Variants in MCPH1 observed in about 807,000 individuals in gnomAD.
MCPH1 encodes microcephalin.
In MCPH1, 104 loss-of-function variants were observed where a neutral mutation model predicts 84.5. The observed-to-expected ratio is 1.23, with a 90% CI of 1.05 to 1.45. The LOEUF is 1.45. Among genes scored for constraint, MCPH1 ranks in the 40% most tolerant of loss-of-function variants. The probability of loss-of-function intolerance (pLI) is 0.00; values close to 1 mark genes in which losing one functional copy is unlikely to be tolerated. For missense variants in MCPH1, 1,498 were observed against 1,005.7 expected (o/e 1.49, Z -6.62); for synonymous variants, 514 against 366.8 (o/e 1.40, Z -4.58).
chr8:6,428,599 A>T (rs773189658), intron 3 of MCPH1, among the ~76,000 whole-genome samples: 3 of 152,250 alleles, frequency 2.0e-5, no homozygotes, highest in Admixed American at 6.5e-5. Context: ...CATTTCCAAT[A>T]AGCGGAATCA....
intron 12 of MCPH1, among the ~76,000 whole-genome samples, chr8:6,596,251 C>T (rs1239632683): frequency 6.6e-6 from 1 of 152,140 alleles, no homozygotes; most frequent in African/African-American, 2.4e-5. Flanking sequence ...GTCACTTCAT[C>T]CCTTTGGGTT....
chr8:6,560,974 T>G (rs1480928278), intron 12 of MCPH1, among the ~76,000 whole-genome samples: 2 of 152,242 alleles, frequency 1.3e-5, no homozygotes. Context: ...TTTACTGCAG[T>G]GCATCTTTCA....
intron 3 of MCPH1, among the ~76,000 whole-genome samples, chr8:6,418,822 T>C (rs1392936570): frequency 2.0e-5 from 3 of 152,094 alleles, no homozygotes; most frequent in Non-Finnish European, 4.4e-5. Flanking sequence ...CCTCGTGATC[T>C]GCCTGCCTCA....
chr8:6,602,314 T>C (rs1437858848), intron 12 of MCPH1, among the ~76,000 whole-genome samples: 1 of 152,174 alleles, frequency 6.6e-6, no homozygotes, highest in Non-Finnish European at 1.5e-5. Context: ...CGTCCTTGCA[T>C]TCTGTGCGGA....
chr8:6,624,189 C>T (rs901022546), intron 13 of MCPH1, among the ~76,000 whole-genome samples: 6 of 152,244 alleles, frequency 3.9e-5, no homozygotes, highest in African/African-American at 1.2e-4. Context: ...GCTTCGATCC[C>T]GCAAAGCCCT....
chr8:6,534,332 G>A (rs993257597), intron 12 of MCPH1, among the ~76,000 whole-genome samples: 15 of 152,102 alleles, frequency 9.9e-5, no homozygotes, highest in African/African-American at 3.4e-4. Context: ...TAGAGTATAC[G>A]AGAGGATGTG....
intron 12 of MCPH1, among the ~76,000 whole-genome samples, chr8:6,515,567 G>T (rs777542903): frequency 6.6e-6 from 1 of 152,092 alleles, no homozygotes; most frequent in Non-Finnish European, 1.5e-5. Flanking sequence ...TAAGCTAAGC[G>T]CATGCATGCT....
chr8:6,453,805 A>G (rs1340367077), intron 8 of MCPH1, among the ~76,000 whole-genome samples: 1 of 152,182 alleles, frequency 6.6e-6, no homozygotes, highest in Non-Finnish European at 1.5e-5. Context: ...AGTCAACCAT[A>G]AAAGATACCT....
chr8:6,435,891 T>C (rs1802573634), intron 4 of MCPH1, among the ~76,000 whole-genome samples, 157 bp from the exon 5 acceptor site: 1 of 152,156 alleles, frequency 6.6e-6, no homozygotes, highest in Non-Finnish European at 1.5e-5. Flanking sequence ...CACAAAAAAA[T>C]AAATATTGCC....
intron 12 of MCPH1, among the ~76,000 whole-genome samples, chr8:6,587,308 T>A (rs760628779): frequency 4.6e-5 from 7 of 152,174 alleles, no homozygotes; most frequent in Non-Finnish European, 7.3e-5. Context: ...CTCAGACATT[T>A]CTATCCCAAG....
intron 4 of MCPH1, among the ~76,000 whole-genome samples, chr8:6,434,329 G>T (rs1802325175): frequency 6.6e-6 from 1 of 152,156 alleles, no homozygotes; most frequent in South Asian, 2.1e-4. Context: ...CCCACTGGCA[G>T]AGCCTCCAGG....
chr8:6,541,854 A>T (rs1024348829), intron 12 of MCPH1, among the ~76,000 whole-genome samples: 5 of 152,054 alleles, frequency 3.3e-5, no homozygotes, highest in Admixed American at 2.6e-4. Context: ...AAATTTTTTT[A>T]AAAATTAGCT....
chr8:6,618,797 A>C (rs1586822972), intron 12 of MCPH1: 1 of 152,146 alleles, frequency 6.6e-6, no homozygotes, highest in African/African-American at 2.4e-5. Context: ...TTTTTCTGAC[A>C]TGAAAAGAAC....
At chr8:6,504,249 C>T (rs962838977) in intron 12 of MCPH1, among the ~76,000 whole-genome samples, 26 of 131,856 alleles carry the variant, frequency 2.0e-4, no homozygotes, top group Admixed American at 3.7e-4. Flanking sequence ...ACCCGGGAGG[C>T]GGAGCTTGCA....
chr8:6,526,021 A>G lies in MCPH1; in HGVS notation c.2214+26092A>G, dbSNP rs542666780. ...AAACTGGACATATCCTAGGTTTGTC[A>G]CGGACATCATTGTATAACAGGCAAG... is the stretch of plus-strand genomic sequence containing the variant. On this transcript the variant is annotated intron_variant, in intron 12 of 13. Transcript: ENST00000344683. Among the ~76,000 whole-genome samples the G allele has an allele frequency of 1.9e-3, 295 of 152,302 alleles. 2 individuals carry two copies. The highest frequency in any genetic ancestry group is 2.5e-3 in the Non-Finnish European group (169 of 68,024).
Position 6,445,238 on chromosome 8 carries a change from G to A in MCPH1, c.1516G>A (p.Ala506Thr), listed in dbSNP as rs746474630. 1 of 1,614,234 alleles carries A rather than the reference G, an allele frequency of 6.2e-7. No homozygotes were observed. The highest frequency in any genetic ancestry group is 1.7e-5 in the Admixed American group (1 of 60,030). The change falls in exon 8 of 14, where the codon GCC becomes ACC. Residue 506 changes from alanine (A) to threonine (T), a missense_variant. Transcript: ENST00000344683. ...TTGCGTGACTTCTGCCCCTGAAGAA[G>A]CCCTAAGGTGTTGTAGACAGGCTGG... ...SSCVTSAPEE[A>T]LRCCRQAGKE...
At chr8:6,625,358 C>A (rs1831957856) in intron 13 of MCPH1, 1 of 985,430 alleles carries the variant, frequency 1.0e-6, no homozygotes, top group Non-Finnish European at 1.2e-6. Context: ...CTCATCATCC[C>A]TGCCCCTTCG....
chr8:6,550,185 G>C (rs1269308323), intron 12 of MCPH1, among the ~76,000 whole-genome samples: 2 of 152,204 alleles, frequency 1.3e-5, no homozygotes, highest in Admixed American at 6.5e-5. Flanking sequence ...GCCTGGCGTC[G>C]GCTCCATCTC....
At chr8:6,504,821 C>G (rs956044142) in intron 12 of MCPH1, among the ~76,000 whole-genome samples, 2 of 152,000 alleles carry the variant, frequency 1.3e-5, no homozygotes, top group African/African-American at 4.8e-5. Context: ...TATGTGTGAA[C>G]AGGAAAAAAT....
Sources: gnomAD v4.1 joint callset for allele counts (sites outside exome capture counted in the v4.1 genomes callset) on GRCh38, gnomAD v4.1.1 for gene constraint, MANE v1.5 for transcripts, NCBI Gene and HGNC (gene_info 2026-07-23, HGNC 2026-07-21) for gene names.